MAST4: variants seen among roughly 807,000 people sequenced by gnomAD.
MAST4 encodes the protein microtubule associated serine/threonine kinase family member 4, also known as microtubule-associated serine/threonine-protein kinase 4.
Under a neutral mutation model 162.7 loss-of-function variants are expected in MAST4, and 89 were observed. The ratio of observed to expected loss-of-function variants is 0.55; its 90% confidence interval spans 0.46 to 0.65. MAST4 has a LOEUF of 0.65. MAST4 is among the 30% of genes least tolerant of loss of function. MAST4 has a pLI of 0.00. For missense variants in MAST4, 3,153 were observed against 3,374.0 expected, an observed-to-expected ratio of 0.93 and a Z score of 1.62; for synonymous variants, 1,479 against 1,361.1, an observed-to-expected ratio of 1.09 and a Z score of -1.91.
intron 24 of MAST4, among the ~76,000 whole-genome samples, chr5:67,151,410 GA>G (rs1327219502): frequency 6.6e-6 from 1 of 152,166 alleles, no homozygotes; most frequent in African/African-American, 2.4e-5. Flanking sequence ...ATTCATTTAT[GA>G]GGGGCAGAGC....
At chr5:66,803,172 A>G (rs545261844) in intron 3 of MAST4, among the ~76,000 whole-genome samples, 3 of 152,156 alleles carry the variant, frequency 2.0e-5, no homozygotes. Context: ...TTCATATCAG[A>G]GCAGATTTCT....
Position 67,168,307 on chromosome 5 carries a change from T to C in MAST4, c.*1256T>C, listed in dbSNP as rs1774270515. The C allele has an allele frequency of 6.6e-6, 1 of 152,120 alleles. No individual in the cohort carries two copies. Among genetic ancestry groups the C allele is most frequent in the African/African-American group, 2.4e-5 (1 of 41,406 alleles). 9.4% of individuals were successfully genotyped at this position (152,120 alleles called of 1,614,324 possible). A position where few individuals can be genotyped will look rare whatever the true frequency, so the allele number is the denominator to read the frequency against. On this transcript the variant is annotated 3_prime_UTR_variant, in exon 29 of 29. Transcript: ENST00000403625. ...GCATCTAGTAGCTCCACACATTTCA[T>C]AACCTGATCTCTTTATTTGTATGCA...
intron 4 of MAST4, among the ~76,000 whole-genome samples, chr5:66,908,245 A>G (rs1763516209): frequency 6.6e-6 from 1 of 152,214 alleles, no homozygotes; most frequent in African/African-American, 2.4e-5. Context: ...TCTTCTGTGA[A>G]GTGGGTAGGG....
chr5:66,820,204 A>C (rs751690688), intron 3 of MAST4, among the ~76,000 whole-genome samples: 2 of 152,146 alleles, frequency 1.3e-5, no homozygotes, highest in Non-Finnish European at 2.9e-5. Context: ...TATAGAGTAC[A>C]AAATTAAAAA....
chr5:66,926,564 C>CTATA (rs201997403), intron 4 of MAST4, among the ~76,000 whole-genome samples: 10,829 of 138,748 alleles, frequency 0.078, 450 homozygotes, highest in Middle Eastern at 0.17. Flanking sequence ...CTCTTTCTCT[C>CTATA]TCTATATATA....
chr5:67,017,357 A>C (rs184739612), intron 4 of MAST4, among the ~76,000 whole-genome samples: 80 of 152,300 alleles, frequency 5.3e-4, no homozygotes, highest in Non-Finnish European at 8.4e-4. Flanking sequence ...TAAGGGTTAA[A>C]GAAAGTGTGT....
chr5:66,660,220 C>T (rs181724559), intron 1 of MAST4, among the ~76,000 whole-genome samples: 1 of 152,294 alleles, frequency 6.6e-6, no homozygotes, highest in East Asian at 1.9e-4. Context: ...GAAACCCCGT[C>T]TGTACTGAAA....
At chr5:66,748,091 ATG>A (rs1752878502) in intron 1 of MAST4, among the ~76,000 whole-genome samples, 3 of 152,112 alleles carry the variant, frequency 2.0e-5, no homozygotes, top group Non-Finnish European at 4.4e-5. Context: ...ATGACTAGGT[ATG>A]TGGGTTATGG....
chr5:67,076,123 C>A (rs530093378), intron 5 of MAST4, among the ~76,000 whole-genome samples: 40 of 152,154 alleles, frequency 2.6e-4, no homozygotes, highest in Non-Finnish European at 3.4e-4. Context: ...AGCATGAGCA[C>A]CCTGCAGGAT....
intron 1 of MAST4, among the ~76,000 whole-genome samples, chr5:66,647,378 C>A (rs531148598): frequency 6.6e-6 from 1 of 152,034 alleles, no homozygotes; most frequent in Admixed American, 6.6e-5. Flanking sequence ...AGTACGACAT[C>A]AAAACATTTT....
chr5:66,634,690 G>A (rs1744994295), intron 1 of MAST4, among the ~76,000 whole-genome samples: 1 of 152,222 alleles, frequency 6.6e-6, no homozygotes, highest in South Asian at 2.1e-4. Context: ...CCAATTTCAT[G>A]TGGTCTTCTC....
At chr5:67,102,419 T>C in intron 8 of MAST4, 117 bp from the exon 9 acceptor site, 1 of 892,150 alleles carries the variant, frequency 1.1e-6, no homozygotes. Context: ...TTATCTGATA[T>C]ACTTTTCTTA....
rs185238078 is a variant in MAST4 at position 67,073,687 on chromosome 5, G to A, written c.764-16475G>A. Among the ~76,000 whole-genome samples, 148 of 152,274 alleles carry A rather than the reference G, an allele frequency of 9.7e-4. 2 individuals carry two copies. The highest frequency in any genetic ancestry group is 3.5e-3 in the African/African-American group (145 of 41,550). On this transcript the variant is annotated intron_variant, in intron 5 of 28. Transcript: ENST00000403625. ...AGCATTCATATATGAATAAGAACAG[G>A]AAGGAATGGATGAAGATATGTTGAA... is the stretch of plus-strand genomic sequence containing the variant.
intron 1 of MAST4, among the ~76,000 whole-genome samples, chr5:66,630,675 A>G (rs1439585726): frequency 2.0e-5 from 3 of 152,184 alleles, no homozygotes; most frequent in Non-Finnish European, 4.4e-5. Flanking sequence ...CACAGTATGT[A>G]TAGTTAAACT....
intron 10 of MAST4, among the ~76,000 whole-genome samples, chr5:67,108,475 A>C (rs1765840994): frequency 6.6e-6 from 1 of 152,168 alleles, no homozygotes; most frequent in Non-Finnish European, 1.5e-5. Context: ...CAAAGCAAAA[A>C]TTGGGAAGAA....
intron 4 of MAST4, among the ~76,000 whole-genome samples, chr5:66,957,929 C>T (rs934667976): frequency 5.9e-5 from 9 of 152,220 alleles, no homozygotes; most frequent in Non-Finnish European, 1.0e-4. Context: ...CTGTGGCATC[C>T]CTGCTTAGGC....
At chr5:66,599,763 C>T (rs1742433713) in intron 1 of MAST4, among the ~76,000 whole-genome samples, 1 of 152,060 alleles carries the variant, frequency 6.6e-6, no homozygotes, top group South Asian at 2.1e-4. Flanking sequence ...TATTTGTCTC[C>T]AGTTATTTTG....
At position 67,163,351 on chromosome 5, in the gene MAST4, C is replaced by T; in HGVS notation, c.4172C>T (p.Ser1391Phe). ...CCCTCTCCAACCCCGCAACCCACCT[C>T]CCCGCAGCGGTCACCATCCCCTCTT... ...RTPSPTPQPT[S>F]PQRSPSPLLG... Residue 1391 changes from serine to phenylalanine, a missense_variant, in exon 29 of 29, where the codon TCC becomes TTC. Ser to Phe is a radical substitution (Grantham distance 155). Around this residue, in one of 7 missense-constraint regions of MAST4, gnomAD observed 619 missense variants for 744.2 expected, o/e 0.83. Coordinates refer to ENST00000403625, the MANE Select transcript of MAST4 (RefSeq NM_001164664.2). This position sits in a 1 kb window ranked among gnomAD's most constrained non-coding sequence, Gnocchi z 7.0. 2 of 1,612,758 alleles carry T rather than the reference C, an allele frequency of 1.2e-6. No individual in the cohort carries two copies. The highest frequency in any genetic ancestry group is 1.7e-6 in the Non-Finnish European group (2 of 1,179,858).
Position 66,930,589 on chromosome 5 carries a change from G to A in MAST4, c.674+30607G>A, listed in dbSNP as rs560261206. Among the ~76,000 whole-genome samples the A allele has an allele frequency of 3.3e-5, 5 of 152,276 alleles. 1 individual carries two copies. The highest frequency in any genetic ancestry group is 1.2e-4 in the African/African-American group (5 of 41,550). ...GGAAGTATATCAATGAGGAGTATAT[G>A]AGGAAGAATTAGGAAGTTTAAAATT... is the stretch of plus-strand genomic sequence containing the variant. On this transcript the variant is annotated intron_variant, in intron 4 of 28. Coordinates refer to ENST00000403625, the MANE Select transcript of MAST4 (RefSeq NM_001164664.2).
Sources: gnomAD v4.1 joint callset for allele counts (sites outside exome capture counted in the v4.1 genomes callset) on GRCh38, gnomAD v4.1.1 for gene constraint, gnomAD v4.1.1 regional missense constraint, Gnocchi (gnomAD v3.1) non-coding constraint, MANE v1.5 for transcripts, NCBI Gene and HGNC (gene_info 2026-07-23, HGNC 2026-07-21) for gene names.